MID1: variants seen among roughly 807,000 people sequenced by gnomAD.
MID1 encodes E3 ubiquitin-protein ligase Midline-1.
A neutral mutation model predicts 40.4 loss-of-function variants in MID1; 7 were observed. That is an observed-to-expected ratio of 0.17 (90% CI 0.10 to 0.33). The LOEUF is 0.33. MID1 is among the 10% of genes least tolerant of loss of function. The pLI, the probability that MID1 is intolerant of heterozygous loss-of-function variation, is 1.00. For synonymous variants in MID1, 229 were observed against 221.2 expected, an observed-to-expected ratio of 1.04 and a Z score of -0.31; for missense variants, 367 against 558.5, an observed-to-expected ratio of 0.66 and a Z score of 3.46.
chrX:10,654,913 G>A (rs1185112277), intron 1 of MID1, among the ~76,000 whole-genome samples: 7 of 112,376 alleles, frequency 6.2e-5, no homozygotes, highest in African/African-American at 1.9e-4. Flanking sequence ...GTATACACTG[G>A]TCTAGATGCT....
chrX:10,796,219 T>C (rs911100056), intron 1 of MID1, among the ~76,000 whole-genome samples: 16 of 112,171 alleles, frequency 1.4e-4, no homozygotes, highest in African/African-American at 4.5e-4. Flanking sequence ...CAATTGTGCA[T>C]GGATTTTTGA....
At chrX:10,487,083 CT>C (rs1193799072) in intron 4 of MID1, among the ~76,000 whole-genome samples, 1 of 111,822 alleles carries the variant, frequency 8.9e-6, no homozygotes, top group East Asian at 2.8e-4. Context: ...TGGTCTCAAA[CT>C]CCTGGGCTCA....
chrX:10,654,554 C>T (rs921677860), intron 1 of MID1, among the ~76,000 whole-genome samples: 3 of 111,567 alleles, frequency 2.7e-5, no homozygotes, highest in African/African-American at 6.5e-5. Flanking sequence ...ATAAGGTTTG[C>T]GCTCCTATGA....
chrX:10,510,284 A>G (rs1301078183), intron 3 of MID1, among the ~76,000 whole-genome samples: 1 of 111,348 alleles, frequency 9.0e-6, no homozygotes, highest in Non-Finnish European at 1.9e-5. Flanking sequence ...CGACAGCTCA[A>G]TCAAGACATA....
intron 1 of MID1, among the ~76,000 whole-genome samples, chrX:10,781,218 T>C (rs780996706): frequency 8.9e-6 from 1 of 112,288 alleles, no homozygotes; most frequent in South Asian, 3.7e-4. Flanking sequence ...AAATGAACAA[T>C]GAATGCACTT....
chrX:10,588,669 C>A (rs1935196452), intron 1 of MID1, among the ~76,000 whole-genome samples: 1 of 110,150 alleles, frequency 9.1e-6, no homozygotes, highest in Non-Finnish European at 1.9e-5. Context: ...TTCTTCCTCT[C>A]TTTCTGCCTC....
chrX:10,638,682 G>A (rs914209503), intron 1 of MID1, among the ~76,000 whole-genome samples: 1 of 112,094 alleles, frequency 8.9e-6, no homozygotes, highest in Non-Finnish European at 1.9e-5. Flanking sequence ...TGGAGTTTGA[G>A]ATCTGAGAAC....
chrX:10,757,685 C>T (rs765402402), intron 1 of MID1, among the ~76,000 whole-genome samples: 37 of 111,614 alleles, frequency 3.3e-4, no homozygotes, highest in Non-Finnish European at 6.4e-4. Flanking sequence ...TAAAGTATTA[C>T]ATAGTTTAAG....
In MID1 at chrX:10,748,800, T is replaced by G. The variant is rs765141299; in HGVS notation, c.-187+84754A>C. Among the ~76,000 whole-genome samples, 17 of 111,412 alleles carry G rather than the reference T, an allele frequency of 1.5e-4. No homozygotes were observed. The East Asian group carries it at 4.8e-3, about 32-fold the overall frequency. On this transcript the variant is annotated intron_variant, in intron 1 of 10. Coordinates refer to the MID1 transcript ENST00000380785. Reference sequence around the variant, plus strand: ...AAACAGGGGTCTGACCTCTAGTACTTTAAACCCCATTAATTAAATCTGTGC... The same window carrying G: ...AAACAGGGGTCTGACCTCTAGTACTGTAAACCCCATTAATTAAATCTGTGC...
chrX:10,718,848 T>C (rs1393994222), intron 1 of MID1, among the ~76,000 whole-genome samples: 3 of 111,489 alleles, frequency 2.7e-5, no homozygotes, highest in Admixed American at 9.5e-5. Context: ...GCTTATCCAC[T>C]ATGATCAAGT....
chrX:10,727,982 T>C (rs2043406877), intron 1 of MID1, among the ~76,000 whole-genome samples: 1 of 112,134 alleles, frequency 8.9e-6, no homozygotes, highest in Non-Finnish European at 1.9e-5. Flanking sequence ...AAACTTGAAT[T>C]CCGAAATATT....
intron 2 of MID1, among the ~76,000 whole-genome samples, chrX:10,545,994 A>G (rs2147419006): frequency 9.2e-6 from 1 of 109,165 alleles, no homozygotes; most frequent in South Asian, 3.9e-4. Context: ...TTTTTTTTTT[A>G]GGATATTGCC....
intron 1 of MID1, among the ~76,000 whole-genome samples, chrX:10,656,765 T>TTA (rs2042876550): frequency 9.5e-6 from 1 of 104,775 alleles, no homozygotes; most frequent in African/African-American, 3.5e-5. Context: ...TGATTTTTTT[T>TTA]AAAAAAAAAA....
chrX:10,455,471 G>A lies in MID1; in HGVS notation c.1448-394C>T, dbSNP rs1286226249. Among the ~76,000 whole-genome samples, 8 of 111,354 alleles carry A rather than the reference G, an allele frequency of 7.2e-5. No homozygotes were observed. In the South Asian group the frequency reaches 3.0e-3, roughly 42 times the overall value. On this transcript the variant is annotated intron_variant, in intron 8 of 9. Coordinates refer to ENST00000317552, the MANE Select transcript of MID1 (RefSeq NM_000381.4). ...GGATAAGGCTTAGCCAGAAAACATAGGGTGAGCTAGCTTCACGGATTCCAG... is the reference window on the plus strand; with the variant it reads ...GGATAAGGCTTAGCCAGAAAACATAAGGTGAGCTAGCTTCACGGATTCCAG...
At chrX:10,500,709 G>A (rs1228927889) in intron 3 of MID1, among the ~76,000 whole-genome samples, 1 of 111,673 alleles carries the variant, frequency 9.0e-6, no homozygotes, top group Admixed American at 9.5e-5. Context: ...TCCCAGGTTT[G>A]GTTTGGAAGC....
rs766498767 is a variant in MID1 at position 10,454,950 on chromosome X, C to T, written c.1575G>A (p.Gln525=). The change falls in exon 9 of 10, where the codon CAG becomes CAA. Residue 525 remains glutamine (Q), a synonymous_variant. Coordinates refer to ENST00000317552, the MANE Select transcript of MID1 (RefSeq NM_000381.4). ...KSHTPERFTS[Q]GSYGVAGNVF... ...CATTTCCAGCTACTCCATAGCTCCC[C>T]TGGCTGGTGAAGCGTTCAGGTGTGT... 3.3e-6 allele frequency: 4 copies of T among 1,211,025 alleles called. No homozygotes were observed. Among genetic ancestry groups the T allele is most frequent in the Admixed American group, 2.2e-5 (1 of 46,056 alleles).
intron 1 of MID1, among the ~76,000 whole-genome samples, chrX:10,669,522 A>G (rs982797916): frequency 3.7e-4 from 42 of 112,275 alleles, no homozygotes; most frequent in Non-Finnish European, 5.6e-5. Flanking sequence ...ATACTCTGGT[A>G]TAATAATTCT....
At chrX:10,507,158 TC>T (rs1288752752) in intron 3 of MID1, among the ~76,000 whole-genome samples, 3 of 109,427 alleles carry the variant, frequency 2.7e-5, no homozygotes, top group African/African-American at 1.0e-4. Flanking sequence ...CCCCTTTTTT[TC>T]CTCCCCCCTC....
At chrX:10,745,132 T>C (rs1320141000) in intron 1 of MID1, among the ~76,000 whole-genome samples, 1 of 112,746 alleles carries the variant, frequency 8.9e-6, no homozygotes, top group Non-Finnish European at 1.9e-5. Flanking sequence ...CTCCAGTTCC[T>C]GAGTTCTCCA....
Sources: allele counts gnomAD v4.1 joint callset (sites outside exome capture counted in the v4.1 genomes callset), GRCh38; gene constraint gnomAD v4.1.1; transcripts MANE v1.5; gene names NCBI Gene and HGNC (gene_info 2026-07-23, HGNC 2026-07-21).